TOPBP1: variants seen among roughly 807,000 people sequenced by gnomAD.
TOPBP1 encodes DNA topoisomerase II binding protein 1.
In TOPBP1, 28 loss-of-function variants were observed where a neutral mutation model predicts 167.7. The ratio of observed to expected loss-of-function variants is 0.17; its 90% CI spans 0.12 to 0.23. The LOEUF is 0.23. Among genes scored for constraint, TOPBP1 ranks in the 10% least tolerant of loss-of-function variants. The pLI is 1.00. For missense variants in TOPBP1, 1,554 were observed against 1,809.6 expected, an observed-to-expected ratio of 0.86 and a Z score of 2.56; for synonymous variants, 598 against 611.4, an observed-to-expected ratio of 0.98 and a Z score of 0.32.
intron 23 of TOPBP1, 127 bp from the exon 24 acceptor site, chr3:133,612,679 TTGAC>T (rs1315919089): frequency 2.5e-5 from 18 of 726,244 alleles, no homozygotes; most frequent in African/African-American, 2.2e-4. Flanking sequence ...CCAAAAAAAC[TTGAC>T]TTACTTAGAA....
chr3:133,632,865 T>C (rs866615301), intron 14 of TOPBP1, among the ~76,000 whole-genome samples: 1 of 152,174 alleles, frequency 6.6e-6, no homozygotes, highest in Non-Finnish European at 1.5e-5. Flanking sequence ...CTCTATCTCC[T>C]GGACTCAAGC....
At chr3:133,605,252 C>T (rs1395698303) in intron 27 of TOPBP1, among the ~76,000 whole-genome samples, 1 of 150,488 alleles carries the variant, frequency 6.6e-6, no homozygotes, top group Non-Finnish European at 1.5e-5. Context: ...AAGAAAGAGG[C>T]ATCTTACACA....
chr3:133,607,244 T>C (rs1226870939), intron 27 of TOPBP1, among the ~76,000 whole-genome samples: 4 of 152,130 alleles, frequency 2.6e-5, no homozygotes, highest in Admixed American at 6.5e-5. Flanking sequence ...ATGTTTACGA[T>C]TTTGTACCAT....
chr3:133,623,050 C>A, intron 19 of TOPBP1, 41 bp downstream of exon 19: 1 of 1,317,236 alleles, frequency 7.6e-7, no homozygotes, highest in Non-Finnish European at 1.0e-6. Context: ...GAGACCTTGT[C>A]TCAAAAAAAA....
At chr3:133,629,866 A>C (rs1472285469) in intron 14 of TOPBP1, among the ~76,000 whole-genome samples, 1 of 152,026 alleles carries the variant, frequency 6.6e-6, no homozygotes, top group Non-Finnish European at 1.5e-5. Flanking sequence ...GGCTCACTGC[A>C]ACCTCTGCCT....
intron 27 of TOPBP1, among the ~76,000 whole-genome samples, chr3:133,606,275 T>C (rs1934489311): frequency 1.3e-5 from 2 of 152,112 alleles, no homozygotes; most frequent in African/African-American, 4.8e-5. Context: ...AATCTAGAAA[T>C]TTTTATTTAC....
chr3:133,616,090 A>C (rs1934862814), intron 23 of TOPBP1, among the ~76,000 whole-genome samples: 1 of 150,466 alleles, frequency 6.6e-6, no homozygotes, highest in African/African-American at 2.4e-5. Flanking sequence ...CATAAGAAGG[A>C]GCTCTCTTCC....
rs556488346 is a variant in TOPBP1, at chr3:133,643,096, A to G, written c.2021+104T>C. ...AAGGAACCACATAACACTCATAAAT[A>G]TAATAAAGACACCCAACCAAATTCT... On this transcript the variant is annotated intron_variant, in intron 12 of 27. Transcript: ENST00000260810. The G allele has an allele frequency of 4.8e-4, 547 of 1,138,678 alleles. 1 individual carries two copies. Among genetic ancestry groups the G allele is most frequent in the Non-Finnish European group, 6.0e-4 (502 of 830,746 alleles). 70.5% of individuals were successfully genotyped at this position (1,138,678 alleles called of 1,614,324 possible).
At chr3:133,632,365 A>G (rs1935515247) in intron 14 of TOPBP1, among the ~76,000 whole-genome samples, 1 of 152,098 alleles carries the variant, frequency 6.6e-6, no homozygotes, top group Admixed American at 6.6e-5. Context: ...AGATCATGCC[A>G]CCGCACTTCA....
chr3:133,634,424 G>T (rs561469082), intron 14 of TOPBP1, among the ~76,000 whole-genome samples: 132 of 152,202 alleles, frequency 8.7e-4, no homozygotes, highest in Middle Eastern at 3.4e-3. Flanking sequence ...CAGGAGAATC[G>T]CTTGAACCTA....
chr3:133,654,831 C>G (rs1240821051), intron 6 of TOPBP1, among the ~76,000 whole-genome samples: 1 of 151,394 alleles, frequency 6.6e-6, no homozygotes, highest in Non-Finnish European at 1.5e-5. Context: ...GAGAAAACAT[C>G]TTTGCAAGAT....
At position 133,656,755 on chromosome 3, in the gene TOPBP1, A is replaced by G; in HGVS notation, c.466T>C (p.Tyr156His). The G allele has an allele frequency of 6.2e-7, 1 of 1,612,588 alleles. No homozygotes were observed. Among genetic ancestry groups the G allele is most frequent in the Non-Finnish European group, 8.5e-7 (1 of 1,179,358 alleles). ...LIAGEVGSKK[Y>H]LVAANLKKPI... ...TTCTTCAGGTTTGCAGCAACTAAAT[A>G]TTTTTTGCTACCAACTTCTCCTGCA... Residue 156 changes from tyrosine (Y) to histidine (H), a missense_variant, in exon 5 of 28, where the codon TAT becomes CAT. Around this residue, in one of 3 missense-constraint regions of TOPBP1, gnomAD observed 1,197 missense variants for 1,351.5 expected, o/e 0.89. Coordinates refer to ENST00000260810, the MANE Select transcript of TOPBP1 (RefSeq NM_007027.4).
intron 14 of TOPBP1, among the ~76,000 whole-genome samples, chr3:133,628,969 C>T (rs1324164962): frequency 6.6e-6 from 1 of 152,128 alleles, no homozygotes; most frequent in African/African-American, 2.4e-5. Context: ...TCCATACTGT[C>T]CAGCAAATTG....
chr3:133,630,800 G>A (rs1042345296), intron 14 of TOPBP1, among the ~76,000 whole-genome samples: 2 of 152,110 alleles, frequency 1.3e-5, no homozygotes, highest in Non-Finnish European at 2.9e-5. Context: ...ATTTCTTTTG[G>A]AGTGTATGTT....
At chr3:133,612,153 T>C (rs1379098333) in intron 24 of TOPBP1, among the ~76,000 whole-genome samples, 3 of 152,024 alleles carry the variant, frequency 2.0e-5, no homozygotes, top group African/African-American at 7.2e-5. Context: ...GTGATTCTCC[T>C]GCCTCAGCCT....
At chr3:133,625,123 C>A (rs192056049) in intron 16 of TOPBP1, among the ~76,000 whole-genome samples, 2,753 of 152,272 alleles carry the variant, frequency 0.018, 47 homozygotes, top group Non-Finnish European at 0.029. Flanking sequence ...TACGCCACCA[C>A]ACCCAGCTAA....
At chr3:133,620,864 C>G (rs575603303) in intron 19 of TOPBP1, among the ~76,000 whole-genome samples, 1 of 152,112 alleles carries the variant, frequency 6.6e-6, no homozygotes, top group African/African-American at 2.4e-5. Context: ...CATGAGCCAC[C>G]GTGCCTGGCC....
In TOPBP1 at chr3:133,644,343, C is replaced by A. The variant is rs754800521; in HGVS notation, c.1525G>T (p.Ala509Ser). 1.9e-6 allele frequency: 3 copies of A among 1,581,172 alleles called. No homozygotes were observed. The highest frequency in any genetic ancestry group is 2.6e-6 in the Non-Finnish European group (3 of 1,166,116). Reference sequence around the variant, plus strand: ...TGAGTAGAATCATTAAAGGGCCTGGCTTCAGACGTCTTAGCCTCAACTGAA... The same window carrying A: ...TGAGTAGAATCATTAAAGGGCCTGGATTCAGACGTCTTAGCCTCAACTGAA... ...STVVEAKTSE[A>S]RPFNDSTHAE... is the part of the protein sequence containing the mutation. The change falls in exon 11 of 28, where the codon GCC (alanine) becomes TCC (serine). Residue 509 changes from alanine to serine, a missense_variant. Ala to Ser is a moderately conservative substitution (Grantham distance 99, BLOSUM62 1). Transcript: ENST00000260810.
At chr3:133,609,232 T>C (rs758200509) in intron 25 of TOPBP1, among the ~76,000 whole-genome samples, 2 of 152,188 alleles carry the variant, frequency 1.3e-5, no homozygotes, top group Non-Finnish European at 2.9e-5. Context: ...TTTAGTCTTT[T>C]CTAGTATTTT....
Sources: gnomAD v4.1 joint callset for allele counts (sites outside exome capture counted in the v4.1 genomes callset) on GRCh38, gnomAD v4.1.1 for gene constraint, gnomAD v4.1.1 regional missense constraint, MANE v1.5 for transcripts, NCBI Gene and HGNC (gene_info 2026-07-23, HGNC 2026-07-21) for gene names.